ITGB8: variants seen among roughly 807,000 people sequenced by gnomAD.
ITGB8 encodes integrin subunit beta 8.
ITGB8 carries 30 observed loss-of-function variants against 89.5 expected under a neutral mutation model. That is an observed-to-expected ratio of 0.34 (90% CI 0.25 to 0.45). ITGB8 has a LOEUF of 0.45. ITGB8 is among the 20% of genes least tolerant of loss of function. The pLI is 1.00. For synonymous variants in ITGB8, 335 were observed against 320.4 expected, an observed-to-expected ratio of 1.05 and a Z score of -0.49; for missense variants, 836 against 933.3, an observed-to-expected ratio of 0.90 and a Z score of 1.36.
At chr7:20,372,419 T>G (rs1464376034) in intron 3 of ITGB8, among the ~76,000 whole-genome samples, 4 of 151,634 alleles carry the variant, frequency 2.6e-5, no homozygotes, top group African/African-American at 9.7e-5. Context: ...TCCACAGGAG[T>G]TGGTGATTGA....
intron 2 of ITGB8, chr7:20,365,536 T>C (rs1785661045): frequency 6.6e-6 from 1 of 152,156 alleles, no homozygotes; most frequent in South Asian, 2.1e-4. Context: ...CTTGTGAGGA[T>C]GAAATGAAGC....
At position 20,411,365 on chromosome 7, in the gene ITGB8, G is replaced by A. The variant is rs907499389; in HGVS notation, c.*1368G>A. Reference sequence around the variant, plus strand: ...AGACGGGGTTTTGCCATGTTGGACAGGTTGATCTCAAACTCCTGACCTCAG... The same window carrying A: ...AGACGGGGTTTTGCCATGTTGGACAAGTTGATCTCAAACTCCTGACCTCAG... On this transcript the variant is annotated 3_prime_UTR_variant, in exon 14 of 14. Transcript: ENST00000222573. 2 of 152,118 alleles carry A rather than the reference G, an allele frequency of 1.3e-5. No individual in the cohort carries two copies. The highest frequency in any genetic ancestry group is 2.9e-5 in the Non-Finnish European group (2 of 68,130). 9.4% of individuals were successfully genotyped at this position (152,118 alleles called of 1,614,324 possible).
intron 12 of ITGB8, among the ~76,000 whole-genome samples, chr7:20,408,907 A>T (rs1368704854): frequency 6.6e-6 from 1 of 152,182 alleles, no homozygotes; most frequent in Non-Finnish European, 1.5e-5. Flanking sequence ...TAAAATACAC[A>T]GTGCATGTTT....
chr7:20,351,585 A>C (rs1453906476), intron 1 of ITGB8, among the ~76,000 whole-genome samples: 1 of 152,264 alleles, frequency 6.6e-6, no homozygotes, highest in Non-Finnish European at 1.5e-5. Flanking sequence ...TTAATTTTCA[A>C]GTGCAGAGTC....
chr7:20,363,465 G>T (rs917525599), intron 1 of ITGB8, among the ~76,000 whole-genome samples, 172 bp from the exon 2 acceptor site: 3 of 152,078 alleles, frequency 2.0e-5, no homozygotes, highest in African/African-American at 7.2e-5. Context: ...CAATGAGCCG[G>T]TCGACTCTTT....
chr7:20,345,087 T>A (rs1411101042), intron 1 of ITGB8, among the ~76,000 whole-genome samples: 3 of 152,158 alleles, frequency 2.0e-5, no homozygotes, highest in African/African-American at 7.2e-5. Flanking sequence ...GAAGGAGGTA[T>A]GATCTTAAGT....
intron 11 of ITGB8, 49 bp downstream of exon 11, chr7:20,404,902 C>A: frequency 6.5e-7 from 1 of 1,534,816 alleles, no homozygotes; most frequent in South Asian, 1.1e-5. Context: ...CTACTTTTGT[C>A]CTTTTTCGTT....
intron 6 of ITGB8, among the ~76,000 whole-genome samples, chr7:20,386,732 G>T (rs968234420): frequency 6.6e-6 from 1 of 152,046 alleles, no homozygotes; most frequent in Admixed American, 6.5e-5. Context: ...GCCTGGCTCT[G>T]CTTGTGTAAT....
rs1014453658 is a variant in ITGB8 at position 20,382,347 on chromosome 7, C to G, written c.960+462C>G. On this transcript the variant is annotated intron_variant, in intron 6 of 13. Coordinates refer to ENST00000222573, the MANE Select transcript of ITGB8 (RefSeq NM_002214.3). ...AAGAGAGTCAAACAAAGCAGGCTTT[C>G]TCTGTTTTGTACTTTACCTCTCTGC... Among the ~76,000 whole-genome samples the G allele has an allele frequency of 2.6e-5, 4 of 152,134 alleles. No homozygotes were observed. In the East Asian group the frequency reaches 7.7e-4, roughly 29 times the overall value.
At chr7:20,347,244 T>C (rs1257368338) in intron 1 of ITGB8, among the ~76,000 whole-genome samples, 2 of 152,232 alleles carry the variant, frequency 1.3e-5, no homozygotes, top group African/African-American at 2.4e-5. Flanking sequence ...TGGACTGAGA[T>C]ACTTTACTAC....
intron 7 of ITGB8, among the ~76,000 whole-genome samples, chr7:20,393,929 A>T (rs1786966236): frequency 6.6e-6 from 1 of 152,162 alleles, no homozygotes; most frequent in South Asian, 2.1e-4. Flanking sequence ...TCACGTGTTC[A>T]CATGTACAGT....
chr7:20,372,110 ATATT>A (rs1279621008), intron 3 of ITGB8, among the ~76,000 whole-genome samples: 2 of 152,146 alleles, frequency 1.3e-5, no homozygotes, highest in African/African-American at 4.8e-5. Flanking sequence ...GGTTTATTAT[ATATT>A]ATTTGCCTCT....
At chr7:20,408,376 A>AG (rs1787630641) in intron 12 of ITGB8, among the ~76,000 whole-genome samples, 1 of 132,762 alleles carries the variant, frequency 7.5e-6, no homozygotes, top group South Asian at 2.5e-4. Flanking sequence ...GTACCTTATC[A>AG]CAAAAAAAAA....
At chr7:20,357,348 T>C (rs767112709) in intron 1 of ITGB8, among the ~76,000 whole-genome samples, 1 of 152,230 alleles carries the variant, frequency 6.6e-6, no homozygotes, top group Non-Finnish European at 1.5e-5. Flanking sequence ...ATATTAGCTG[T>C]ATTTTTAAAA....
chr7:20,404,114 A>G (rs1380787361), intron 10 of ITGB8, among the ~76,000 whole-genome samples: 2 of 152,186 alleles, frequency 1.3e-5, no homozygotes, highest in Admixed American at 6.5e-5. Flanking sequence ...CAACTTCTCA[A>G]GAGACCTGAT....
chr7:20,358,344 T>A (rs967291134), intron 1 of ITGB8, among the ~76,000 whole-genome samples: 1 of 152,190 alleles, frequency 6.6e-6, no homozygotes, highest in African/African-American at 2.4e-5. Flanking sequence ...GGTACAGTTA[T>A]ACTTCTAAAG....
chr7:20,346,969 C>G, intron 1 of ITGB8: 1 of 523,774 alleles, frequency 1.9e-6, no homozygotes, highest in Non-Finnish European at 2.5e-6. Flanking sequence ...AAGGTGGGGC[C>G]TTTGGAAAAT....
chr7:20,385,455 C>A (rs1786570992), intron 6 of ITGB8, among the ~76,000 whole-genome samples: 1 of 152,162 alleles, frequency 6.6e-6, no homozygotes, highest in Non-Finnish European at 1.5e-5. Flanking sequence ...CTATCATATA[C>A]CTCCTCAGAA....
chr7:20,395,927 A>G (rs1787055236), intron 8 of ITGB8, among the ~76,000 whole-genome samples: 1 of 152,222 alleles, frequency 6.6e-6, no homozygotes, highest in Non-Finnish European at 1.5e-5. Flanking sequence ...ACAGTGTGTC[A>G]AAAGATATGC....
Sources: gnomAD v4.1 joint callset for allele counts (sites outside exome capture counted in the v4.1 genomes callset) on GRCh38, gnomAD v4.1.1 for gene constraint, MANE v1.5 for transcripts, NCBI Gene and HGNC (gene_info 2026-07-23, HGNC 2026-07-21) for gene names.